Variants in NKAIN3 observed in about 807,000 individuals in gnomAD.
NKAIN3 encodes the protein sodium/potassium-transporting ATPase subunit beta-1-interacting protein 3.
NKAIN3 carries 25 observed loss-of-function variants against 30.2 expected under a neutral mutation model. The observed-to-expected ratio is 0.83, with a 90% CI of 0.60 to 1.16. The LOEUF (loss-of-function observed/expected upper bound fraction) is 1.16, where lower values mean the gene tolerates loss of function less well. Among genes scored for constraint, NKAIN3 ranks in the 50% most tolerant of loss-of-function variants. The probability of loss-of-function intolerance (pLI) is 0.00; values close to 1 mark genes in which losing one functional copy is unlikely to be tolerated. For missense variants in NKAIN3, 225 were observed against 254.1 expected (o/e 0.89, Z 0.78); for synonymous variants, 91 against 89.6 (o/e 1.02, Z -0.09).
At chr8:62,560,215 A>G (rs927695333) in intron 1 of NKAIN3, among the ~76,000 whole-genome samples, 1 of 152,048 alleles carries the variant, frequency 6.6e-6, no homozygotes, top group African/African-American at 2.4e-5. Context: ...AAATTTCTGA[A>G]GTTTAATTAC....
intron 3 of NKAIN3, among the ~76,000 whole-genome samples, chr8:62,710,719 T>C (rs903225575): frequency 1.3e-5 from 2 of 152,192 alleles, no homozygotes; most frequent in Non-Finnish European, 2.9e-5. Flanking sequence ...TTACATTCAA[T>C]GTTAGTATTA....
chr8:62,404,433 A>G (rs766596853), intron 1 of NKAIN3, among the ~76,000 whole-genome samples: 12 of 152,084 alleles, frequency 7.9e-5, no homozygotes, highest in Non-Finnish European at 1.8e-4. Flanking sequence ...CCTTGGATGG[A>G]GCCGGTAGGA....
At chr8:62,402,798 C>T (rs991981588) in intron 1 of NKAIN3, among the ~76,000 whole-genome samples, 1 of 152,054 alleles carries the variant, frequency 6.6e-6, no homozygotes, top group Non-Finnish European at 1.5e-5. Flanking sequence ...TAAATTGGTA[C>T]CGCAAAAAGT....
intron 4 of NKAIN3, among the ~76,000 whole-genome samples, chr8:62,867,011 C>T (rs894818141): frequency 5.4e-5 from 8 of 148,596 alleles, no homozygotes; most frequent in South Asian, 2.1e-4. Context: ...GCCGAGATTG[C>T]GCCACTGCAC....
intron 2 of NKAIN3, among the ~76,000 whole-genome samples, chr8:62,581,017 C>T (rs1016265863): frequency 2.0e-5 from 3 of 149,606 alleles, no homozygotes; most frequent in Admixed American, 6.7e-5. Context: ...GCAGGAGGAT[C>T]GCTTGAACCC....
At chr8:62,914,022 T>A (rs1197528717) in intron 4 of NKAIN3, among the ~76,000 whole-genome samples, 1 of 152,174 alleles carries the variant, frequency 6.6e-6, no homozygotes, top group African/African-American at 2.4e-5. Context: ...TAAATCACTC[T>A]ATTATAAAGA....
intron 3 of NKAIN3, among the ~76,000 whole-genome samples, chr8:62,656,884 A>C (rs1812778549): frequency 6.6e-6 from 1 of 152,216 alleles, no homozygotes; most frequent in Non-Finnish European, 1.5e-5. Context: ...AAGACAATGG[A>C]AGTGATTACT....
chr8:62,929,769 C>T (rs1822562733), intron 5 of NKAIN3, among the ~76,000 whole-genome samples: 1 of 152,138 alleles, frequency 6.6e-6, no homozygotes, highest in African/African-American at 2.4e-5. Flanking sequence ...AGCCCATGGG[C>T]CACATGCAGC....
At chr8:62,288,454 A>G (rs981290229) in intron 1 of NKAIN3, among the ~76,000 whole-genome samples, 1 of 151,970 alleles carries the variant, frequency 6.6e-6, no homozygotes, top group African/African-American at 2.4e-5. Flanking sequence ...AAATGTTCTC[A>G]TTGTTCTATT....
chr8:62,456,554 T>C lies in NKAIN3; in HGVS notation c.55-122985T>C, dbSNP rs370921312. On this transcript the variant is annotated intron_variant, in intron 1 of 6. Coordinates refer to ENST00000623646, the MANE Select transcript of NKAIN3 (RefSeq NM_001304533.3). Reference sequence around the variant, plus strand: ...AAAAATAAAAATAAGGAAATCTTTCTTGATCTCTGAGAGGGCCCTTTTCCT... The same window carrying C: ...AAAAATAAAAATAAGGAAATCTTTCCTGATCTCTGAGAGGGCCCTTTTCCT... Among the ~76,000 whole-genome samples, 68 of 152,116 alleles carry C rather than the reference T, an allele frequency of 4.5e-4. 1 individual carries two copies. In the East Asian group the frequency reaches 0.011, roughly 25 times the overall value.
rs185277362 is a variant in NKAIN3, at chr8:62,958,196, C to T, written c.603+4224C>T. 2.7e-3 allele frequency among the ~76,000 whole-genome samples: 409 copies of T among 151,794 alleles called. 2 individuals carry two copies. Among genetic ancestry groups the T allele is most frequent in the African/African-American group, 9.2e-3 (380 of 41,406 alleles). On this transcript the variant is annotated intron_variant, in intron 6 of 6. Coordinates refer to ENST00000623646, the MANE Select transcript of NKAIN3 (RefSeq NM_001304533.3). ...ATAAAGTGAGTGAACGGATAGGAAGCAGAGGCTTAAGCAGAGCAGGTGTCT... is the reference window on the plus strand; with the variant it reads ...ATAAAGTGAGTGAACGGATAGGAAGTAGAGGCTTAAGCAGAGCAGGTGTCT...
chr8:62,307,251 A>C (rs183676910), intron 1 of NKAIN3, among the ~76,000 whole-genome samples: 2 of 145,084 alleles, frequency 1.4e-5, no homozygotes, highest in East Asian at 4.0e-4. Context: ...TTATAGTTTA[A>C]TTCATTCTCT....
chr8:62,621,942 CA>C (rs2130232540), intron 3 of NKAIN3, among the ~76,000 whole-genome samples: 1 of 152,140 alleles, frequency 6.6e-6, no homozygotes, highest in South Asian at 2.1e-4. Context: ...CTTTTATAAC[CA>C]CACATAATTT....
intron 1 of NKAIN3, among the ~76,000 whole-genome samples, chr8:62,570,477 C>G (rs2130016912): frequency 6.6e-6 from 1 of 152,194 alleles, no homozygotes; most frequent in African/African-American, 2.4e-5. Context: ...GTTGGGAGGC[C>G]TCACAATCAT....
chr8:62,698,993 T>C (rs2127563), intron 3 of NKAIN3, among the ~76,000 whole-genome samples: 5,040 of 152,156 alleles, frequency 0.033, 112 homozygotes, highest in Middle Eastern at 0.071. Flanking sequence ...TAAGAATGAG[T>C]CCTGGACAAT....
chr8:62,541,911 A>G (rs569223490), intron 1 of NKAIN3, among the ~76,000 whole-genome samples: 3 of 152,192 alleles, frequency 2.0e-5, no homozygotes, highest in Admixed American at 6.5e-5. Flanking sequence ...TTTTATGTTA[A>G]AGTTGTGTTT....
intron 4 of NKAIN3, among the ~76,000 whole-genome samples, chr8:62,784,246 T>G (rs1332243470): frequency 6.6e-6 from 1 of 151,582 alleles, no homozygotes; most frequent in East Asian, 2.0e-4. Context: ...AAACTATCCC[T>G]AAAGCAAGCA....
At chr8:62,548,342 G>A (rs181630944) in intron 1 of NKAIN3, among the ~76,000 whole-genome samples, 345 of 152,286 alleles carry the variant, frequency 2.3e-3, no homozygotes, top group Non-Finnish European at 3.7e-3. Flanking sequence ...GTTAAGAATG[G>A]TAGTGTTGAT....
chr8:62,746,711 A>G (rs78548220), intron 3 of NKAIN3, among the ~76,000 whole-genome samples: 7,083 of 152,300 alleles, frequency 0.047, 240 homozygotes, highest in South Asian at 0.098. Flanking sequence ...TTAAAATGTT[A>G]ATAGTAATCA....
Sources: allele counts gnomAD v4.1 joint callset (sites outside exome capture counted in the v4.1 genomes callset), GRCh38; gene constraint gnomAD v4.1.1; transcripts MANE v1.5; gene names NCBI Gene and HGNC (gene_info 2026-07-23, HGNC 2026-07-21).